The following WNK3 variants were observed in gnomAD, a reference collection of about 807,000 sequenced individuals.
WNK3 encodes the protein serine/threonine-protein kinase WNK3.
Under a neutral mutation model 116.7 loss-of-function variants are expected in WNK3, and 18 were observed. That is an observed-to-expected ratio of 0.15 (90% confidence interval 0.11 to 0.23). The LOEUF (loss-of-function observed/expected upper bound fraction) is 0.23. Among genes scored for constraint, WNK3 ranks in the 10% least tolerant of loss-of-function variants. The pLI is 1.00. For missense variants in WNK3, 993 were observed against 1,323.8 expected (o/e 0.75, Z 3.88); for synonymous variants, 404 against 469.4 (o/e 0.86, Z 1.80).
At chrX:54,200,984 ATTTC>A (rs2067495664) in intron 23 of WNK3, among the ~76,000 whole-genome samples, 1 of 111,983 alleles carries the variant, frequency 8.9e-6, no homozygotes, top group South Asian at 3.7e-4. Context: ...TAAATGCATT[ATTTC>A]TTTAACAAAC....
At chrX:54,248,835 G>A in exon 17 of WNK3, 1 of 1,211,389 alleles carries the variant, frequency 8.3e-7, no homozygotes, top group Non-Finnish European at 1.1e-6. Context: ...ATTGTACAGG[G>A]CTATCTTTAA....
chrX:54,311,294 G>T lies in WNK3; in HGVS notation c.538-3C>A. 1 of 1,196,991 alleles carries T rather than the reference G, an allele frequency of 8.4e-7. No individual in the cohort carries two copies. The highest frequency in any genetic ancestry group is 1.1e-6 in the Non-Finnish European group (1 of 887,745). On this transcript the variant is annotated splice_polypyrimidine_tract_variant and splice_region_variant and intron_variant, in intron 2 of 23. Transcript: ENST00000354646. ...TCAGCTTTGGTTAACTTTCGGTCCT[G>T]AAAAGGAATAACAAGTTCCAAAATA...
chrX:54,341,788 G>A (rs782301990), intron 1 of WNK3, among the ~76,000 whole-genome samples: 2 of 111,161 alleles, frequency 1.8e-5, no homozygotes, highest in South Asian at 7.6e-4. Context: ...TTGGGGCTGG[G>A]GCATAGGAAC....
chrX:54,217,969 C>G (rs782035442), intron 22 of WNK3, among the ~76,000 whole-genome samples: 1 of 111,480 alleles, frequency 9.0e-6, no homozygotes, highest in African/African-American at 3.3e-5. Context: ...CGCAAAGAAA[C>G]AGGAAAGCAT....
intron 22 of WNK3, among the ~76,000 whole-genome samples, chrX:54,210,560 G>C (rs2067602408): frequency 8.9e-6 from 1 of 112,030 alleles, no homozygotes; most frequent in Non-Finnish European, 1.9e-5. Flanking sequence ...CCAAGAGTTT[G>C]AGGTTACAGT....
At chrX:54,342,284 T>C (rs1223191438) in intron 1 of WNK3, among the ~76,000 whole-genome samples, 1 of 106,930 alleles carries the variant, frequency 9.4e-6, no homozygotes, top group Non-Finnish European at 1.9e-5. Context: ...TTTTTAAATA[T>C]GGCTGGGCGT....
At chrX:54,255,766 T>G (rs782185007) in exon 12 of WNK3, 1 of 1,206,732 alleles carries the variant, frequency 8.3e-7, no homozygotes, top group African/African-American at 1.7e-5. Flanking sequence ...TGAAATTTAG[T>G]CCCCTTCTCT....
chrX:54,232,341 C>T (rs1557149155), intron 21 of WNK3, among the ~76,000 whole-genome samples: 2 of 110,265 alleles, frequency 1.8e-5, no homozygotes, highest in African/African-American at 6.6e-5. Context: ...GGGGTTTCGC[C>T]ATGTTAGCTA....
chrX:54,279,229 A>AC (rs1557161759), intron 10 of WNK3, among the ~76,000 whole-genome samples: 1 of 110,812 alleles, frequency 9.0e-6, no homozygotes, highest in African/African-American at 3.3e-5. Context: ...AAAAAAAAAA[A>AC]CTGGACCTCA....
intron 10 of WNK3, among the ~76,000 whole-genome samples, chrX:54,265,812 G>A: frequency 8.9e-6 from 1 of 112,918 alleles, no homozygotes. Context: ...GGAAGGCCAA[G>A]GCAGGCAGAT....
intron 10 of WNK3, among the ~76,000 whole-genome samples, chrX:54,285,509 C>G (rs2068570149): frequency 8.9e-6 from 1 of 112,706 alleles, no homozygotes; most frequent in Non-Finnish European, 1.9e-5. Flanking sequence ...TGGCAATATT[C>G]TCTATCAGGT....
chrX:54,340,641 A>G (rs1181053236), intron 1 of WNK3, among the ~76,000 whole-genome samples: 1 of 111,093 alleles, frequency 9.0e-6, no homozygotes, highest in Non-Finnish European at 1.9e-5. Flanking sequence ...CCCAATAATG[A>G]CAAGACAAAT....
intron 10 of WNK3, among the ~76,000 whole-genome samples, chrX:54,281,944 T>C (rs980429457): frequency 9.0e-6 from 1 of 111,506 alleles, no homozygotes; most frequent in African/African-American, 3.3e-5. Context: ...GTCAAGATAC[T>C]GATTTCTTTT....
intron 2 of WNK3, among the ~76,000 whole-genome samples, chrX:54,316,714 G>A (rs1438190240): frequency 9.1e-6 from 1 of 110,096 alleles, no homozygotes; most frequent in Non-Finnish European, 1.9e-5. Context: ...TCAGGGCAAT[G>A]CAAATCAAAA....
At chrX:54,231,662 C>T (rs1045579709) in intron 21 of WNK3, among the ~76,000 whole-genome samples, 1 of 112,070 alleles carries the variant, frequency 8.9e-6, no homozygotes, top group Non-Finnish European at 1.9e-5. Context: ...CCTGGATAAT[C>T]CAGGATAATC....
At chrX:54,239,145 C>T (rs1413646143) in intron 17 of WNK3, 46 bp from the exon 18 acceptor site, 12 of 856,255 alleles carry the variant, frequency 1.4e-5, no homozygotes, top group Non-Finnish European at 1.7e-5. Context: ...CAAAACAAAA[C>T]AAAACAAAAC....
At chrX:54,304,177 C>A (rs782039685) in intron 5 of WNK3, among the ~76,000 whole-genome samples, 1 of 110,924 alleles carries the variant, frequency 9.0e-6, no homozygotes, top group East Asian at 2.8e-4. Flanking sequence ...TCAGGCATCA[C>A]GTCATTTCAC....
At chrX:54,219,280 G>A (rs1393491205) in intron 22 of WNK3, among the ~76,000 whole-genome samples, 2 of 111,450 alleles carry the variant, frequency 1.8e-5, no homozygotes, top group East Asian at 5.6e-4. Flanking sequence ...ATTAAGAGCT[G>A]ACTTCTCATT....
At chrX:54,230,431 A>C (rs2067888151) in intron 21 of WNK3, among the ~76,000 whole-genome samples, 1 of 111,813 alleles carries the variant, frequency 8.9e-6, no homozygotes, top group Admixed American at 9.6e-5. Context: ...ATCACTAACC[A>C]TTATGGGAAT....
Sources: allele counts gnomAD v4.1 joint callset (sites outside exome capture counted in the v4.1 genomes callset), GRCh38; gene constraint gnomAD v4.1.1; transcripts MANE v1.5; gene names NCBI Gene and HGNC (gene_info 2026-07-23, HGNC 2026-07-21).